Variants in AKT3 observed in about 807,000 individuals in gnomAD.
AKT3 encodes the protein AKT serine/threonine kinase 3.
AKT3 carries 15 observed loss-of-function variants against 65.3 expected under a neutral mutation model. The observed-to-expected ratio is 0.23, with a 90% CI of 0.15 to 0.35. The LOEUF (loss-of-function observed/expected upper bound fraction) is 0.35. AKT3 is among the 10% of genes least tolerant of loss of function. The probability of loss-of-function intolerance (pLI) is 1.00; values close to 1 mark genes in which losing one functional copy is unlikely to be tolerated. For synonymous variants in AKT3, 206 were observed against 183.8 expected, an observed-to-expected ratio of 1.12 and a Z score of -0.98; for missense variants, 243 against 576.5, an observed-to-expected ratio of 0.42 and a Z score of 5.92.
chr1:243,701,416 T>C (rs1410924095), intron 2 of AKT3, among the ~76,000 whole-genome samples: 1 of 152,128 alleles, frequency 6.6e-6, no homozygotes, highest in Non-Finnish European at 1.5e-5. Flanking sequence ...TGGTTGAGAA[T>C]ACTGCAGAAA....
Position 243,572,908 on chromosome 1 carries a change from C to CA in AKT3, c.819+17_819+18insT. 1 of 1,503,934 alleles carries CA rather than the reference C, an allele frequency of 6.6e-7. No homozygotes were observed. Among genetic ancestry groups the CA allele is most frequent in the Non-Finnish European group, 9.0e-7 (1 of 1,117,248 alleles). The allele number at this position is 1,503,934 out of a possible 1,614,324, so 93.2% of individuals were successfully genotyped here. On this transcript the variant is annotated intron_variant, in intron 9 of 13. Transcript: ENST00000673466. ...TCTCTGCAAAAACAAATTTTGATTA[C>CA]TTTTTTTTTTTTTTTACCTTGAGAT... is the stretch of plus-strand genomic sequence containing the variant.
intron 3 of AKT3, among the ~76,000 whole-genome samples, chr1:243,675,573 C>T (rs1259948196): frequency 1.3e-5 from 2 of 152,218 alleles, no homozygotes; most frequent in Non-Finnish European, 2.9e-5. Flanking sequence ...TCCTCTCCTT[C>T]GTTTTGCTGG....
intron 2 of AKT3, among the ~76,000 whole-genome samples, chr1:243,796,665 T>C (rs1014443420): frequency 6.6e-6 from 1 of 152,176 alleles, no homozygotes; most frequent in African/African-American, 2.4e-5. Context: ...CTCAGGGCCT[T>C]TGCACATGTT....
chr1:243,747,509 C>G (rs931535186), intron 2 of AKT3, among the ~76,000 whole-genome samples: 42 of 152,152 alleles, frequency 2.8e-4, no homozygotes, highest in Admixed American at 2.3e-3. Flanking sequence ...CTGACCTTCT[C>G]TCTTGTACTT....
chr1:243,641,923 T>A (rs961650518), intron 5 of AKT3, among the ~76,000 whole-genome samples: 2 of 152,008 alleles, frequency 1.3e-5, no homozygotes, highest in Non-Finnish European at 2.9e-5. Flanking sequence ...GTGATAGGAG[T>A]GAGACCTTGT....
At chr1:243,758,751 T>C (rs1286549631) in intron 2 of AKT3, among the ~76,000 whole-genome samples, 2 of 152,202 alleles carry the variant, frequency 1.3e-5, no homozygotes, top group African/African-American at 4.8e-5. Context: ...GGGTTCGCAC[T>C]CCTATGAGAA....
At chr1:243,746,074 T>A (rs2148192743) in intron 2 of AKT3, among the ~76,000 whole-genome samples, 1 of 152,346 alleles carries the variant, frequency 6.6e-6, no homozygotes, top group East Asian at 1.9e-4. Context: ...ATCAAAAAGA[T>A]CTTTCAGGTT....
intron 2 of AKT3, among the ~76,000 whole-genome samples, chr1:243,747,560 C>T (rs779844676): frequency 1.3e-5 from 2 of 152,156 alleles, no homozygotes; most frequent in Admixed American, 6.5e-5. Flanking sequence ...AGCATGTTCA[C>T]GTTCACTTGT....
At chr1:243,847,507 AG>A (rs1317124732) in intron 1 of AKT3, among the ~76,000 whole-genome samples, 1 of 152,214 alleles carries the variant, frequency 6.6e-6, no homozygotes, top group Non-Finnish European at 1.5e-5. Flanking sequence ...TTTGTAAAAC[AG>A]GTTCCTCATT....
At chr1:243,751,464 T>C (rs532152913) in intron 2 of AKT3, among the ~76,000 whole-genome samples, 1 of 152,242 alleles carries the variant, frequency 6.6e-6, no homozygotes, top group Non-Finnish European at 1.5e-5. Flanking sequence ...CTCATTTCTT[T>C]TTAGGGGAGG....
chr1:243,618,056 T>C (rs1678461689), intron 6 of AKT3, among the ~76,000 whole-genome samples: 1 of 152,186 alleles, frequency 6.6e-6, no homozygotes, highest in Non-Finnish European at 1.5e-5. Flanking sequence ...AAAGATATTC[T>C]AGTGCTTTGA....
At chr1:243,849,768 A>ACCG (rs1695681411) in intron 1 of AKT3, among the ~76,000 whole-genome samples, 1 of 150,872 alleles carries the variant, frequency 6.6e-6, no homozygotes, top group African/African-American at 2.4e-5. Flanking sequence ...CCCGCTGCGC[A>ACCG]CCGCCGCCCC....
At chr1:243,530,722 C>G (rs554157457) in intron 12 of AKT3, among the ~76,000 whole-genome samples, 2 of 152,058 alleles carry the variant, frequency 1.3e-5, no homozygotes, top group Admixed American at 1.3e-4. Flanking sequence ...AAAAGATGAA[C>G]AAATCCAGGA....
intron 6 of AKT3, among the ~76,000 whole-genome samples, chr1:243,632,127 A>C (rs969068036): frequency 6.6e-6 from 1 of 152,206 alleles, no homozygotes; most frequent in African/African-American, 2.4e-5. Context: ...AATCTTTCCC[A>C]AAAGGTTTTC....
At chr1:243,537,798 C>T (rs1672034061) in intron 12 of AKT3, among the ~76,000 whole-genome samples, 2 of 152,190 alleles carry the variant, frequency 1.3e-5, no homozygotes, top group Admixed American at 1.3e-4. Context: ...TTCTATCCAC[C>T]ACAGATTCCC....
chr1:243,583,149 C>A (rs1675502991), intron 8 of AKT3, among the ~76,000 whole-genome samples: 1 of 137,982 alleles, frequency 7.2e-6, no homozygotes, highest in African/African-American at 2.9e-5. Flanking sequence ...ATATATCTCT[C>A]TCTTCCATGT....
At chr1:243,517,139 A>G (rs1206650933) in intron 12 of AKT3, among the ~76,000 whole-genome samples, 1 of 148,804 alleles carries the variant, frequency 6.7e-6, no homozygotes, top group Non-Finnish European at 1.5e-5. Flanking sequence ...GATTTTCCAT[A>G]GATCTGTGTT....
At position 243,503,422 on chromosome 1, in the gene AKT3, C is replaced by T. The variant is rs760274781; in HGVS notation, c.*1827G>A. ...TTCATACAATGCAATCATAATACTA[C>T]GTCATGCTGTAGTCTTCCGTTTGGG... On this transcript the variant is annotated 3_prime_UTR_variant, in exon 14 of 14. Transcript: ENST00000673466. 20 of 233,314 alleles carry T rather than the reference C, an allele frequency of 8.6e-5. No homozygotes were observed. The highest frequency in any genetic ancestry group is 1.1e-4 in the Non-Finnish European group (13 of 117,924). 14.5% of individuals were successfully genotyped at this position (233,314 alleles called of 1,614,324 possible). A position where few individuals can be genotyped will look rare whatever the true frequency, so the allele number is the denominator to read the frequency against.
intron 10 of AKT3, among the ~76,000 whole-genome samples, chr1:243,554,488 GAACA>G (rs1673281321): frequency 6.6e-6 from 1 of 152,018 alleles, no homozygotes; most frequent in Non-Finnish European, 1.5e-5. Context: ...AGTAATTTGA[GAACA>G]AATAGAAAAC....
Sources: gnomAD v4.1 joint callset for allele counts (sites outside exome capture counted in the v4.1 genomes callset) on GRCh38, gnomAD v4.1.1 for gene constraint, MANE v1.5 for transcripts, NCBI Gene and HGNC (gene_info 2026-07-23, HGNC 2026-07-21) for gene names.